MYO1H: variants seen among roughly 807,000 people sequenced by gnomAD.
MYO1H encodes the protein myosin IH, also known as unconventional myosin-Ih.
MYO1H carries 118 observed loss-of-function variants against 149.3 expected under a neutral mutation model. The observed-to-expected ratio is 0.79, with a 90% confidence interval of 0.68 to 0.92. The LOEUF is 0.92. Among genes scored for constraint, MYO1H ranks in the 40% least tolerant of loss-of-function variants. The pLI, the probability that MYO1H is intolerant of heterozygous loss-of-function variation, is 0.00. For synonymous variants in MYO1H, 447 were observed against 465.2 expected (o/e 0.96, Z 0.50); for missense variants, 1,212 against 1,280.7 (o/e 0.95, Z 0.82).
intron 1 of MYO1H, among the ~76,000 whole-genome samples, chr12:109,353,439 C>T (rs1273646931): frequency 1.4e-5 from 2 of 146,048 alleles, no homozygotes; most frequent in African/African-American, 5.1e-5. Context: ...TAGAACTTAC[C>T]GGGAAATAAA....
chr12:109,393,209 A>C (rs1869733931), intron 2 of MYO1H, 122 bp from the exon 3 acceptor site: 4 of 664,632 alleles, frequency 6.0e-6, no homozygotes, highest in Non-Finnish European at 1.1e-5. Flanking sequence ...AGCTCCCAGC[A>C]GAGACCCCGC....
At chr12:109,387,337 A>G (rs79270754) in intron 1 of MYO1H, among the ~76,000 whole-genome samples, 8,348 of 152,296 alleles carry the variant, frequency 0.055, 750 homozygotes, top group African/African-American at 0.19. Context: ...AAATCAATTG[A>G]GACGCAGTCT....
chr12:109,318,972 G>GTTTTTTTTTTTTTT, the MYO1H span, among the ~76,000 whole-genome samples: 65 of 77,240 alleles, frequency 8.4e-4, no homozygotes, highest in East Asian at 3.1e-3. Context: ...TTTTGGTTTT[G>GTTTTTTTTTTTTTT]TTTTTTTTTT....
At chr12:109,322,304 C>G in the MYO1H span, among the ~76,000 whole-genome samples, 1 of 152,180 alleles carries the variant, frequency 6.6e-6, no homozygotes, top group Non-Finnish European at 1.5e-5. Context: ...ACATTTCCAG[C>G]CTTTCAGAGA....
intron 3 of MYO1H, 77 bp downstream of exon 3, chr12:109,393,523 G>A (rs761303641): frequency 1.3e-4 from 59 of 446,852 alleles, no homozygotes; most frequent in Non-Finnish European, 1.8e-4. Flanking sequence ...TTCTCACCAC[G>A]CATCTGTCCA....
chr12:109,397,618 C>T (rs1470369952), intron 4 of MYO1H, 114 bp from the exon 5 acceptor site: 6 of 701,880 alleles, frequency 8.5e-6, no homozygotes. Flanking sequence ...CCTTTCCTCC[C>T]TGGCTCCTTC....
chr12:109,400,574 A>C (rs909506128), intron 5 of MYO1H, among the ~76,000 whole-genome samples: 7 of 152,314 alleles, frequency 4.6e-5, no homozygotes, highest in African/African-American at 1.4e-4. Flanking sequence ...AAAATCCTTT[A>C]TTGGATATAT....
chr12:109,438,899 G>A (rs1235734554), intron 23 of MYO1H, among the ~76,000 whole-genome samples: 2 of 152,188 alleles, frequency 1.3e-5, no homozygotes, highest in African/African-American at 4.8e-5. Context: ...TGAGTCTCAT[G>A]GGCTGGGATA....
At chr12:109,320,455 C>CAAAAAAAAAAAAAAAAAAAA in the MYO1H span, among the ~76,000 whole-genome samples, 1 of 63,322 alleles carries the variant, frequency 1.6e-5, no homozygotes, top group Non-Finnish European at 2.8e-5. Flanking sequence ...ATTAAAAATA[C>CAAAAAAAAAAAAAAAAAAAA]AAAAAAAAAA....
intron 1 of MYO1H, among the ~76,000 whole-genome samples, chr12:109,357,417 A>C (rs1868633256): frequency 2.6e-5 from 4 of 152,216 alleles, no homozygotes; most frequent in Admixed American, 2.6e-4. Flanking sequence ...ATTGATTCAG[A>C]AATATGGTTC....
chr12:109,431,437 C>A (rs1347361773), intron 19 of MYO1H, among the ~76,000 whole-genome samples: 21 of 152,104 alleles, frequency 1.4e-4, no homozygotes, highest in Non-Finnish European at 4.4e-5. Context: ...ATATTGGGAA[C>A]ACCACTGCTA....
At chr12:109,440,710 G>A (rs891936410) in intron 24 of MYO1H, 34 bp from the exon 25 acceptor site, 14 of 1,501,242 alleles carry the variant, frequency 9.3e-6, no homozygotes, top group Admixed American at 5.9e-5. Flanking sequence ...GGGAGTGAGT[G>A]AGGCAAGTGG....
chr12:109,424,416 A>G (rs1202333811), intron 16 of MYO1H, among the ~76,000 whole-genome samples: 2 of 152,170 alleles, frequency 1.3e-5, no homozygotes, highest in African/African-American at 2.4e-5. Context: ...GGCCTCCCCA[A>G]GTACTGGGAT....
intron 7 of MYO1H, among the ~76,000 whole-genome samples, chr12:109,405,329 T>A (rs182021358): frequency 3.8e-4 from 58 of 152,356 alleles, no homozygotes; most frequent in Admixed American, 7.8e-4. Context: ...TTTCCTCTTT[T>A]GAGACAGAGT....
At chr12:109,312,808 T>A in the MYO1H span, among the ~76,000 whole-genome samples, 90,434 of 150,184 alleles carry the variant, frequency 0.6, 28,563 homozygotes, top group African/African-American at 0.78. Context: ...TTTTTTTAAC[T>A]TGAACCATTA....
At chr12:109,404,347 T>G (rs1177157318) in intron 7 of MYO1H, among the ~76,000 whole-genome samples, 1 of 152,062 alleles carries the variant, frequency 6.6e-6, no homozygotes, top group African/African-American at 2.4e-5. Context: ...CCAGGCGCGG[T>G]GGCAGGCACC....
At chr12:109,367,646 G>C (rs1868893020) in intron 1 of MYO1H, among the ~76,000 whole-genome samples, 1 of 152,024 alleles carries the variant, frequency 6.6e-6, no homozygotes, top group African/African-American at 2.4e-5. Context: ...CCACCTCCCA[G>C]GTTCACCCCA....
intron 6 of MYO1H, among the ~76,000 whole-genome samples, chr12:109,402,423 A>G (rs1195220444): frequency 6.6e-6 from 1 of 152,212 alleles, no homozygotes; most frequent in Non-Finnish European, 1.5e-5. Flanking sequence ...GAGGATCAAC[A>G]CTTTCTAGAA....
Position 109,442,280 on chromosome 12 carries a change from GAT to G in MYO1H, c.2688+9_2688+10del. On this transcript the variant is annotated intron_variant, in intron 27 of 31. Coordinates refer to ENST00000310903, the Ensembl canonical transcript of MYO1H. ...AGCCATGAGAAAATCCAGGTAAGGC[GAT>G]GTGTGTCCTCAGTCTCAAACAGGAT... 6.2e-7 allele frequency: 1 copy of G among 1,612,868 alleles called. No homozygotes were observed.
Sources: gnomAD v4.1 joint callset for allele counts (sites outside exome capture counted in the v4.1 genomes callset) on GRCh38, gnomAD v4.1.1 for gene constraint, MANE v1.5 for transcripts, NCBI Gene and HGNC (gene_info 2026-07-23, HGNC 2026-07-21) for gene names.